HMGB1: variants seen among roughly 807,000 people sequenced by gnomAD.
The protein encoded by HMGB1 is high mobility group protein B1.
For synonymous variants in HMGB1, 81 were observed against 84.0 expected (o/e 0.96, Z 0.19); for missense variants, 79 against 253.5 (o/e 0.31, Z 4.67).
At chr13:30,573,121 T>TG (rs1870503321) in intron 1 of HMGB1, among the ~76,000 whole-genome samples, 1 of 152,302 alleles carries the variant, frequency 6.6e-6, no homozygotes, top group East Asian at 1.9e-4. Context: ...CAAATTCTTC[T>TG]GGGGGGTCTG....
At chr13:30,541,377 T>C (rs1868875791) in intron 1 of HMGB1, among the ~76,000 whole-genome samples, 1 of 152,224 alleles carries the variant, frequency 6.6e-6, no homozygotes, top group Non-Finnish European at 1.5e-5. Flanking sequence ...AGTCTTAGCA[T>C]TGATAAAACC....
chr13:30,464,539 G>A (rs545175337), intron 1 of HMGB1: 1 of 984,624 alleles, frequency 1.0e-6, no homozygotes, highest in East Asian at 1.1e-4. Flanking sequence ...CCGGCTCCCA[G>A]GCCCGAGGCC....
At chr13:30,535,234 G>A (rs1322769940) in intron 1 of HMGB1, among the ~76,000 whole-genome samples, 1 of 152,214 alleles carries the variant, frequency 6.6e-6, no homozygotes, top group East Asian at 1.9e-4. Context: ...TTCATCCGAA[G>A]CTGTGCTTTG....
chr13:30,492,432 A>G (rs572114962), intron 1 of HMGB1, among the ~76,000 whole-genome samples: 13 of 152,354 alleles, frequency 8.5e-5, no homozygotes, highest in African/African-American at 2.6e-4. Context: ...ATAAAGGGCT[A>G]TTAGAACTCA....
chr13:30,518,207 C>A (rs1224823286), intron 1 of HMGB1, among the ~76,000 whole-genome samples: 1 of 152,078 alleles, frequency 6.6e-6, no homozygotes, highest in Non-Finnish European at 1.5e-5. Flanking sequence ...TGTGGTGGCA[C>A]ATGTCCATAG....
intron 1 of HMGB1, among the ~76,000 whole-genome samples, chr13:30,522,108 A>AGTT (rs778790597): frequency 2.3e-5 from 1 of 43,310 alleles, no homozygotes; most frequent in Non-Finnish European, 4.5e-5. Context: ...TAATTATGAT[A>AGTT]CTTTTTTTTT....
At chr13:30,589,122 C>T (rs1871273366) in intron 1 of HMGB1, among the ~76,000 whole-genome samples, 1 of 151,302 alleles carries the variant, frequency 6.6e-6, no homozygotes, top group Non-Finnish European at 1.5e-5. Flanking sequence ...TCTCCAGCCT[C>T]AGCCTCCCGA....
chr13:30,471,219 C>T (rs1886918526), intron 1 of HMGB1, among the ~76,000 whole-genome samples: 1 of 152,164 alleles, frequency 6.6e-6, no homozygotes, highest in South Asian at 2.1e-4. Context: ...ATCCACCTGC[C>T]TTGGCCTCCC....
At position 30,460,632 on chromosome 13, in the gene HMGB1, T is replaced by C. The variant is rs1379494553; in HGVS notation, c.*725A>G. 6.6e-6 allele frequency: 1 copy of C among 152,640 alleles called. No individual in the cohort carries two copies. The highest frequency in any genetic ancestry group is 1.5e-5 in the Non-Finnish European group (1 of 68,014). 9.5% of individuals were successfully genotyped at this position (152,640 alleles called of 1,614,324 possible). A position where few individuals can be genotyped will look rare whatever the true frequency, so the allele number is the denominator to read the frequency against. ...CCCATGCTTTGAGTAGATTGATTAC[T>C]CTTCAGTTTGTAAATGTAAGTGGGC... On this transcript the variant is annotated 3_prime_UTR_variant, in exon 5 of 5. Coordinates refer to ENST00000341423, the MANE Select transcript of HMGB1 (RefSeq NM_002128.7).
At chr13:30,548,144 A>T (rs1403869772) in intron 1 of HMGB1, among the ~76,000 whole-genome samples, 1 of 152,150 alleles carries the variant, frequency 6.6e-6, no homozygotes, top group Admixed American at 6.5e-5. Context: ...TAGTTCCCAT[A>T]ATCCCCACGT....
chr13:30,462,828 C>G lies in HMGB1; in HGVS notation c.297-116G>C, dbSNP rs1050976635. The stretch of plus-strand genomic sequence containing the variant: ...CTGTGAATTTCTGTGATGCATTGGA[C>G]AGGGTGCAAATACTATAATATACTA... On this transcript the variant is annotated intron_variant, in intron 3 of 4. Transcript: ENST00000341423. 1.1e-5 allele frequency: 9 copies of G among 795,456 alleles called. No individual in the cohort carries two copies. In the South Asian group the frequency reaches 1.2e-4, roughly 11 times the overall value. The allele number at this position is 795,456 out of a possible 1,614,324, so 49.3% of individuals were successfully genotyped here.
At chr13:30,473,881 C>T (rs1003602167) in intron 1 of HMGB1, among the ~76,000 whole-genome samples, 12 of 152,248 alleles carry the variant, frequency 7.9e-5, no homozygotes, top group African/African-American at 2.9e-4. Flanking sequence ...GTGGATAAAT[C>T]GAATGTGGTA....
At chr13:30,495,530 G>A (rs2137446173) in intron 1 of HMGB1, among the ~76,000 whole-genome samples, 1 of 149,550 alleles carries the variant, frequency 6.7e-6, no homozygotes, top group Middle Eastern at 3.4e-3. Flanking sequence ...CCAGGCTGGA[G>A]TGCAGTGGCA....
chr13:30,480,813 C>G (rs1887210343), intron 1 of HMGB1, among the ~76,000 whole-genome samples: 1 of 151,906 alleles, frequency 6.6e-6, no homozygotes, highest in Non-Finnish European at 1.5e-5. Context: ...CCTAAAGTAC[C>G]TAGTTCCTGG....
At chr13:30,612,383 T>C (rs549388730) in intron 1 of HMGB1, among the ~76,000 whole-genome samples, 212 of 152,280 alleles carry the variant, frequency 1.4e-3, no homozygotes, top group African/African-American at 4.9e-3. Context: ...AAGACAGTTA[T>C]GTAAAGAAAA....
chr13:30,538,597 CTTTTT>C (rs1868639364), intron 1 of HMGB1, among the ~76,000 whole-genome samples: 2 of 103,924 alleles, frequency 1.9e-5, no homozygotes, highest in African/African-American at 7.6e-5. Context: ...TTTCTTTCTT[CTTTTT>C]CTTTCTTTCT....
intron 1 of HMGB1, among the ~76,000 whole-genome samples, chr13:30,609,497 A>T (rs893475152): frequency 6.6e-6 from 1 of 152,088 alleles, no homozygotes; most frequent in African/African-American, 2.4e-5. Flanking sequence ...TTTTTCAATA[A>T]AAGTTACACC....
At chr13:30,557,068 T>C (rs912260369) in intron 1 of HMGB1, among the ~76,000 whole-genome samples, 1 of 152,218 alleles carries the variant, frequency 6.6e-6, no homozygotes, top group South Asian at 2.1e-4. Context: ...TATCATTGAA[T>C]CCTTAAGATG....
intron 1 of HMGB1, among the ~76,000 whole-genome samples, chr13:30,500,644 C>T (rs915463763): frequency 6.0e-5 from 9 of 150,048 alleles, no homozygotes; most frequent in South Asian, 4.2e-4. Context: ...TGGGTTCAAG[C>T]GATTCTCCTG....
Sources: allele counts gnomAD v4.1 joint callset (sites outside exome capture counted in the v4.1 genomes callset), GRCh38; gene constraint gnomAD v4.1.1; transcripts MANE v1.5; gene names NCBI Gene and HGNC (gene_info 2026-07-23, HGNC 2026-07-21).